The following PTPN9 variants were observed in gnomAD, a reference collection of about 807,000 sequenced individuals.
PTPN9 encodes protein tyrosine phosphatase non-receptor type 9.
In PTPN9, 26 loss-of-function variants were observed where a neutral mutation model predicts 69.8. The observed-to-expected ratio is 0.37, with a 90% CI of 0.27 to 0.52. The LOEUF (loss-of-function observed/expected upper bound fraction) is 0.52. PTPN9 is among the 20% of genes least tolerant of loss of function. The pLI is 0.91. For synonymous variants in PTPN9, 274 were observed against 272.5 expected (o/e 1.01, Z -0.05); for missense variants, 549 against 740.3 (o/e 0.74, Z 3.00).
At chr15:75,548,435 T>A (rs909860668) in intron 1 of PTPN9, among the ~76,000 whole-genome samples, 1 of 150,598 alleles carries the variant, frequency 6.6e-6, no homozygotes, top group African/African-American at 2.4e-5. Context: ...TTTGCACTTT[T>A]AATAGAGATA....
At chr15:75,512,264 A>G (rs939939018) in intron 5 of PTPN9, among the ~76,000 whole-genome samples, 3 of 151,188 alleles carry the variant, frequency 2.0e-5, no homozygotes, top group Non-Finnish European at 4.4e-5. Flanking sequence ...ATGCAATCAT[A>G]TGATCATAGC....
intron 1 of PTPN9, among the ~76,000 whole-genome samples, chr15:75,544,491 C>T (rs969734777): frequency 2.0e-5 from 3 of 152,180 alleles, no homozygotes; most frequent in African/African-American, 7.2e-5. Context: ...GATGATGCCA[C>T]TGTGTTCCAG....
chr15:75,487,328 C>A (rs1595949970), intron 8 of PTPN9: 2 of 144,672 alleles, frequency 1.4e-5, no homozygotes, highest in African/African-American at 2.6e-5. Flanking sequence ...TAAATAATGT[C>A]AAAAAAACTA....
intron 7 of PTPN9, among the ~76,000 whole-genome samples, chr15:75,494,486 G>A (rs1567480167): frequency 6.6e-6 from 1 of 151,572 alleles, no homozygotes; most frequent in Non-Finnish European, 1.5e-5. Flanking sequence ...CCGAGTAGCT[G>A]GGATTACAGG....
chr15:75,488,468 T>G (rs1428835854), intron 8 of PTPN9, among the ~76,000 whole-genome samples: 1 of 151,946 alleles, frequency 6.6e-6, no homozygotes, highest in African/African-American at 2.4e-5. Flanking sequence ...CTCAAAATTC[T>G]AAGGTTGGAT....
At position 75,469,996 on chromosome 15, in the gene PTPN9, G is replaced by A. The variant is rs779716989; in HGVS notation, c.1363C>T (p.Arg455Trp). Residue 455 changes from arginine to tryptophan, a missense_variant, in exon 12 of 13, where the codon CGG becomes TGG. Coordinates refer to ENST00000618819, the MANE Select transcript of PTPN9 (RefSeq NM_002833.4). ...TTLEIHNTEE[R>W]QKRQVTHFQF... is the part of the protein sequence containing the mutation. ...AAGTGGGTCACCTGGCGTTTCTGCC[G>A]TTCCTTAGATAAGAAAAGAAGTAAA... The A allele has an allele frequency of 1.7e-5, 27 of 1,609,074 alleles. No homozygotes were observed. Among genetic ancestry groups the A allele is most frequent in the African/African-American group, 5.3e-5 (4 of 74,808 alleles).
At chr15:75,472,029 C>T (rs1440606682) in intron 10 of PTPN9, among the ~76,000 whole-genome samples, 1 of 152,134 alleles carries the variant, frequency 6.6e-6, no homozygotes, top group Non-Finnish European at 1.5e-5. Context: ...ACCTCCTCTC[C>T]AAATAAGTGG....
chr15:75,494,693 C>T (rs2074730249), intron 7 of PTPN9, among the ~76,000 whole-genome samples: 1 of 151,796 alleles, frequency 6.6e-6, no homozygotes, highest in Non-Finnish European at 1.5e-5. Flanking sequence ...TTTCTTTTTC[C>T]TTCCCTGGGC....
chr15:75,529,987 AG>A (rs1158196472), intron 1 of PTPN9, among the ~76,000 whole-genome samples: 1 of 151,700 alleles, frequency 6.6e-6, no homozygotes, highest in Non-Finnish European at 1.5e-5. Flanking sequence ...GCAGATCACG[AG>A]GTCAGGAGCT....
intron 6 of PTPN9, among the ~76,000 whole-genome samples, chr15:75,506,955 G>A (rs1447585123): frequency 6.6e-6 from 1 of 152,046 alleles, no homozygotes; most frequent in Non-Finnish European, 1.5e-5. Context: ...GTCCTCCTAT[G>A]TGTATCTCTG....
intron 1 of PTPN9, among the ~76,000 whole-genome samples, chr15:75,536,014 A>T (rs2074980981): frequency 6.6e-6 from 1 of 152,358 alleles, no homozygotes; most frequent in South Asian, 2.1e-4. Context: ...ATGTGATTTT[A>T]AAAGAGATAA....
intron 7 of PTPN9, among the ~76,000 whole-genome samples, chr15:75,504,573 C>CTGG (rs1193428925): frequency 7.0e-6 from 1 of 143,876 alleles, no homozygotes; most frequent in Non-Finnish European, 1.6e-5. Flanking sequence ...GCGCCTCTGC[C>CTGG]CTGCCGCCCC....
At chr15:75,495,710 A>C (rs2074736816) in intron 7 of PTPN9, among the ~76,000 whole-genome samples, 1 of 151,758 alleles carries the variant, frequency 6.6e-6, no homozygotes, top group African/African-American at 2.4e-5. Flanking sequence ...TCAAAACAAC[A>C]ACCACAACAA....
intron 1 of PTPN9, among the ~76,000 whole-genome samples, chr15:75,576,962 AAAT>A (rs1429314676): frequency 2.0e-5 from 3 of 152,208 alleles, no homozygotes; most frequent in African/African-American, 7.2e-5. Context: ...GCTTGTAAAA[AAAT>A]AATATTTTGT....
chr15:75,516,303 C>CT (rs750940118), intron 5 of PTPN9, among the ~76,000 whole-genome samples: 18,109 of 132,524 alleles, frequency 0.14, 1,451 homozygotes, highest in Non-Finnish European at 0.17. Flanking sequence ...TATGTTTCTT[C>CT]TTTTTTTTTT....
intron 5 of PTPN9, among the ~76,000 whole-genome samples, chr15:75,510,984 CTTGT>C (rs2074842812): frequency 6.6e-6 from 1 of 151,978 alleles, no homozygotes; most frequent in South Asian, 2.1e-4. Context: ...CCTTTTTTGT[CTTGT>C]TTATCCTACT....
In PTPN9 at chr15:75,465,469, G is replaced by C. The variant is rs1442131191; in HGVS notation, c.*3300C>G. On this transcript the variant is annotated 3_prime_UTR_variant, in exon 13 of 13. Transcript: ENST00000618819. Reference sequence around the variant, plus strand: ...TATGAGAACCCTGACTTGCCAAACAGATTCTGGGTTGCGTCTCTGCCTTCC... The same window carrying C: ...TATGAGAACCCTGACTTGCCAAACACATTCTGGGTTGCGTCTCTGCCTTCC... The C allele has an allele frequency of 1.3e-5, 2 of 152,204 alleles. No homozygotes were observed. The highest frequency in any genetic ancestry group is 2.9e-5 in the Non-Finnish European group (2 of 68,070). 9.4% of individuals were successfully genotyped at this position (152,204 alleles called of 1,614,324 possible). A position where few individuals can be genotyped will look rare whatever the true frequency, so the allele number is the denominator to read the frequency against.
intron 5 of PTPN9, among the ~76,000 whole-genome samples, chr15:75,514,643 GAGAC>G (rs1283657724): frequency 6.6e-6 from 1 of 152,100 alleles, no homozygotes; most frequent in Non-Finnish European, 1.5e-5. Flanking sequence ...TATAAATTAA[GAGAC>G]AGTTTACTGT....
intron 8 of PTPN9, among the ~76,000 whole-genome samples, chr15:75,488,004 G>A (rs539781524): frequency 2.0e-5 from 3 of 152,144 alleles, no homozygotes; most frequent in South Asian, 4.1e-4. Context: ...TTACTTTGCC[G>A]GCGCAGTGGC....
Sources: allele counts gnomAD v4.1 joint callset (sites outside exome capture counted in the v4.1 genomes callset), GRCh38; gene constraint gnomAD v4.1.1; transcripts MANE v1.5; gene names NCBI Gene and HGNC (gene_info 2026-07-23, HGNC 2026-07-21).